Variants in PAPPA observed in about 807,000 individuals in gnomAD.
The protein encoded by PAPPA is pappalysin 1, also known as pappalysin-1.
In PAPPA, 60 loss-of-function variants were observed where a neutral mutation model predicts 164.0. The ratio of observed to expected loss-of-function variants is 0.37; its 90% CI spans 0.30 to 0.45. PAPPA has a LOEUF of 0.45. Ranked by LOEUF, PAPPA falls within the 20% of genes least tolerant of loss-of-function variation. PAPPA has a pLI of 1.00. For synonymous variants in PAPPA, 875 were observed against 814.1 expected, an observed-to-expected ratio of 1.07 and a Z score of -1.27; for missense variants, 1,782 against 2,087.3, an observed-to-expected ratio of 0.85 and a Z score of 2.85.
At chr9:116,393,380 A>G (rs1194862508) in intron 21 of PAPPA, among the ~76,000 whole-genome samples, 2 of 152,212 alleles carry the variant, frequency 1.3e-5, no homozygotes, top group Non-Finnish European at 2.9e-5. Context: ...AACTGACTGT[A>G]AAAGTGGAGG....
chr9:116,338,052 T>G (rs1846084326), intron 13 of PAPPA, among the ~76,000 whole-genome samples: 1 of 152,152 alleles, frequency 6.6e-6, no homozygotes, highest in Non-Finnish European at 1.5e-5. Context: ...ACTACAGTGG[T>G]GATATTGAGG....
chr9:116,308,519 T>C (rs1316751975), intron 10 of PAPPA, among the ~76,000 whole-genome samples: 1 of 152,236 alleles, frequency 6.6e-6, no homozygotes, highest in African/African-American at 2.4e-5. Context: ...GCAGAGTAAC[T>C]TGCTTCAGGG....
chr9:116,166,948 A>G (rs1385311615), intron 1 of PAPPA, among the ~76,000 whole-genome samples: 1 of 152,206 alleles, frequency 6.6e-6, no homozygotes, highest in East Asian at 1.9e-4. Flanking sequence ...TGTAGAATGG[A>G]AAGGTAAAGA....
chr9:116,177,532 C>G (rs971532607), intron 1 of PAPPA, among the ~76,000 whole-genome samples: 5 of 152,106 alleles, frequency 3.3e-5, no homozygotes, highest in Admixed American at 6.5e-5. Context: ...ATTAAATAAC[C>G]AGTAAGAGAA....
intron 9 of PAPPA, among the ~76,000 whole-genome samples, chr9:116,285,507 T>TCCC (rs767393569): frequency 1.4e-4 from 21 of 152,128 alleles, no homozygotes; most frequent in Non-Finnish European, 2.1e-4. Context: ...GCTCACAGTG[T>TCCC]CCCCCTGCTG....
intron 10 of PAPPA, among the ~76,000 whole-genome samples, chr9:116,308,856 A>G (rs992517070): frequency 3.3e-5 from 5 of 152,202 alleles, no homozygotes; most frequent in African/African-American, 1.2e-4. Context: ...AGAGACACAT[A>G]AGTGTTGTAA....
At chr9:116,196,368 G>A (rs550466788) in intron 2 of PAPPA, among the ~76,000 whole-genome samples, 1 of 152,280 alleles carries the variant, frequency 6.6e-6, no homozygotes, top group South Asian at 2.1e-4. Flanking sequence ...GGCATGCTCA[G>A]CACTCTCATT....
Position 116,154,460 on chromosome 9 carries a change from G to C in PAPPA, c.288G>C (p.Ala96=). 7.8e-7 allele frequency: 1 copy of C among 1,285,828 alleles called. No individual in the cohort carries two copies. The highest frequency in any genetic ancestry group is 9.8e-7 in the Non-Finnish European group (1 of 1,017,392). The allele number at this position is 1,285,828 out of a possible 1,614,324, so 79.7% of individuals were successfully genotyped here. The change falls in exon 1 of 22, where the codon GCG becomes GCC. Residue 96 remains alanine (A), a synonymous_variant. Transcript: ENST00000328252. The surrounding 1 kb of genome is among the most constrained non-coding windows in gnomAD (Gnocchi z 5.2). ...ATEEPSPPSR[A]LYFSGRGEQL... ...AGGAGCCGAGCCCGCCGAGCCGGGC[G>C]CTCTATTTCAGCGGGCGAGGCGAGC...
chr9:116,338,927 G>C (rs1212177613), intron 13 of PAPPA, among the ~76,000 whole-genome samples: 2 of 152,184 alleles, frequency 1.3e-5, no homozygotes, highest in Non-Finnish European at 2.9e-5. Flanking sequence ...ATAAAATCAT[G>C]AGGCCTAAAA....
At chr9:116,354,260 T>C (rs553472502) in intron 17 of PAPPA, among the ~76,000 whole-genome samples, 22 of 152,306 alleles carry the variant, frequency 1.4e-4, no homozygotes, top group African/African-American at 4.6e-4. Context: ...TTGAATTTTA[T>C]CTCAATCCAC....
intron 8 of PAPPA, among the ~76,000 whole-genome samples, chr9:116,269,408 A>G (rs928274885): frequency 3.3e-5 from 5 of 152,094 alleles, no homozygotes; most frequent in African/African-American, 1.2e-4. Flanking sequence ...GTTATATCCT[A>G]GGCACTGTGC....
At chr9:116,276,495 C>A (rs1042660272) in intron 9 of PAPPA, among the ~76,000 whole-genome samples, 2 of 141,908 alleles carry the variant, frequency 1.4e-5, no homozygotes, top group African/African-American at 5.2e-5. Context: ...GCCTCAGTTT[C>A]TTCCTTTGTG....
At chr9:116,372,469 A>G (rs1296818893) in intron 19 of PAPPA, among the ~76,000 whole-genome samples, 1 of 152,180 alleles carries the variant, frequency 6.6e-6, no homozygotes, top group Non-Finnish European at 1.5e-5. Flanking sequence ...TGGTTTGTGT[A>G]GCCTAGAAGC....
At chr9:116,204,362 C>T (rs974369095) in intron 2 of PAPPA, among the ~76,000 whole-genome samples, 1 of 152,074 alleles carries the variant, frequency 6.6e-6, no homozygotes, top group Non-Finnish European at 1.5e-5. Context: ...TCCAACTCTG[C>T]GTGAGTCTGG....
At chr9:116,365,362 C>T (rs1044697111) in intron 18 of PAPPA, among the ~76,000 whole-genome samples, 5 of 152,042 alleles carry the variant, frequency 3.3e-5, no homozygotes, top group African/African-American at 9.7e-5. Flanking sequence ...GAAGGAGACG[C>T]GGAGGCCTGG....
intron 9 of PAPPA, among the ~76,000 whole-genome samples, chr9:116,300,280 G>GT (rs1554749808): frequency 6.1e-5 from 9 of 146,712 alleles, no homozygotes; most frequent in East Asian, 2.0e-4. Flanking sequence ...GTTTTGTTTT[G>GT]TTTTTTTGTT....
intron 19 of PAPPA, chr9:116,373,256 T>C (rs1223851821): frequency 3.3e-5 from 5 of 152,190 alleles, no homozygotes; most frequent in Admixed American, 2.0e-4. Context: ...TTCGTTCATT[T>C]GATTGTCCAT....
intron 5 of PAPPA, among the ~76,000 whole-genome samples, chr9:116,221,723 C>A (rs398293): frequency 0.5 from 75,600 of 150,638 alleles, 19,949 homozygotes; most frequent in East Asian, 0.73. Flanking sequence ...CCCCGCAAGG[C>A]AAAAAAAAAG....
chr9:116,181,789 T>C (rs1313238897), intron 1 of PAPPA, among the ~76,000 whole-genome samples: 3 of 152,254 alleles, frequency 2.0e-5, no homozygotes, highest in Non-Finnish European at 2.9e-5. Flanking sequence ...TGGACAACTA[T>C]GCCTGGACAA....
Sources: allele counts gnomAD v4.1 joint callset (sites outside exome capture counted in the v4.1 genomes callset), GRCh38; gene constraint gnomAD v4.1.1; non-coding constraint Gnocchi (gnomAD v3.1); transcripts MANE v1.5; gene names NCBI Gene and HGNC (gene_info 2026-07-23, HGNC 2026-07-21).